The following TNNI3K variants were observed in gnomAD, a reference collection of about 807,000 sequenced individuals.
TNNI3K encodes serine/threonine-protein kinase TNNI3K.
Under a neutral mutation model 114.5 loss-of-function variants are expected in TNNI3K, and 140 were observed. That is an observed-to-expected ratio of 1.22 (90% CI 1.07 to 1.41). The LOEUF is 1.41. Among genes scored for constraint, TNNI3K ranks in the 40% most tolerant of loss-of-function variants. The pLI is 0.00. For missense variants in TNNI3K, 1,125 were observed against 1,007.6 expected (o/e 1.12, Z -1.58); for synonymous variants, 347 against 347.5 (o/e 1.00, Z 0.02).
chr1:74,489,109 C>A, intron 21 of TNNI3K, 80 bp from the exon 22 acceptor site: 1 of 1,174,814 alleles, frequency 8.5e-7, no homozygotes, highest in Non-Finnish European at 1.2e-6. Flanking sequence ...TTTACAAATG[C>A]TAATACCCAA....
chr1:74,285,611 T>A (rs1418527722), intron 5 of TNNI3K, among the ~76,000 whole-genome samples: 36 of 152,310 alleles, frequency 2.4e-4, no homozygotes. Context: ...TATACTCTTT[T>A]TTGAGCACAG....
intron 20 of TNNI3K, among the ~76,000 whole-genome samples, chr1:74,450,820 A>G (rs1462152019): frequency 6.6e-6 from 1 of 152,226 alleles, no homozygotes. Context: ...TGGTTCAACC[A>G]TCATGGAAGA....
At chr1:74,422,063 A>C (rs2100637181) in intron 17 of TNNI3K, among the ~76,000 whole-genome samples, 1 of 151,584 alleles carries the variant, frequency 6.6e-6, no homozygotes, top group South Asian at 2.1e-4. Flanking sequence ...GGGCATTTTA[A>C]ATTGAGGAGA....
chr1:74,296,358 G>C (rs1335997097), intron 5 of TNNI3K, among the ~76,000 whole-genome samples: 3 of 151,430 alleles, frequency 2.0e-5, no homozygotes, highest in Non-Finnish European at 4.4e-5. Flanking sequence ...AGAGCTTTAG[G>C]ATACTTTAAA....
In TNNI3K at chr1:74,524,678, A is replaced by AAATAT. The variant is rs1266236318; in HGVS notation, c.2352-15554_2352-15553insTATAA. 6.2e-4 allele frequency among the ~76,000 whole-genome samples: 47 copies of AAATAT among 75,560 alleles called. 1 individual carries two copies. The Middle Eastern group carries it at 0.042, about 67-fold the overall frequency. The allele number at this position is 75,560 out of a possible 152,430, so 49.6% of individuals were successfully genotyped here. ...GGTTCTGGAGATACAGCAGCAAATA[A>AAATAT]AACACAGAAAATAATCTCTTCCCTC... On this transcript the variant is annotated intron_variant, in intron 23 of 24. Transcript: ENST00000326637.
chr1:74,526,964 G>A (rs1392938103), intron 23 of TNNI3K, among the ~76,000 whole-genome samples: 1 of 152,172 alleles, frequency 6.6e-6, no homozygotes, highest in African/African-American at 2.4e-5. Flanking sequence ...TTGAGTAGTT[G>A]CAAGAGACCA....
chr1:74,514,992 G>A (rs1303799958), intron 23 of TNNI3K, among the ~76,000 whole-genome samples: 5 of 152,030 alleles, frequency 3.3e-5, no homozygotes, highest in Admixed American at 6.6e-5. Context: ...GATGATGGAG[G>A]CAGGGACTGA....
intron 17 of TNNI3K, among the ~76,000 whole-genome samples, chr1:74,405,322 A>G (rs967736237): frequency 6.6e-6 from 1 of 152,198 alleles, no homozygotes; most frequent in African/African-American, 2.4e-5. Flanking sequence ...AGGCTGAAGT[A>G]TGTGCCAAAA....
chr1:74,331,455 TG>T lies in TNNI3K; in HGVS notation c.451del (p.Asp151MetfsTer32). 6.2e-7 allele frequency: 1 copy of T among 1,613,200 alleles called. No individual in the cohort carries two copies. The highest frequency in any genetic ancestry group is 1.1e-5 in the South Asian group (1 of 90,938). ...ATIAGHLEAA[D>X]VLLQHGANVN... is the part of the protein sequence containing the mutation. ...ATAATCATTTTCTTGTCCAGGCTGC[TG>T]ATGTGCTGTTGCAACATGGAGCTAA... On this transcript the variant is annotated frameshift_variant, in exon 6 of 25. Transcript: ENST00000326637. LOFTEE classifies it high-confidence loss of function.
intron 1 of TNNI3K, 41 bp downstream of exon 1, chr1:74,235,532 G>T: frequency 8.9e-7 from 1 of 1,124,052 alleles, no homozygotes; most frequent in Non-Finnish European, 1.3e-6. Flanking sequence ...AGTGTAATAT[G>T]GTTCAATTAT....
chr1:74,449,617 A>C (rs1227208889), intron 20 of TNNI3K, among the ~76,000 whole-genome samples: 2 of 151,832 alleles, frequency 1.3e-5, no homozygotes, highest in African/African-American at 4.9e-5. Flanking sequence ...AGTCTTCGAT[A>C]AAACAGACTT....
At chr1:74,330,243 T>C (rs1295120597) in intron 5 of TNNI3K, among the ~76,000 whole-genome samples, 1 of 152,048 alleles carries the variant, frequency 6.6e-6, no homozygotes, top group Non-Finnish European at 1.5e-5. Context: ...ATATAGGAAC[T>C]CTTTGCTCTC....
intron 19 of TNNI3K, among the ~76,000 whole-genome samples, chr1:74,437,583 G>A (rs866241044): frequency 1.7e-4 from 26 of 151,990 alleles, no homozygotes; most frequent in Middle Eastern, 3.4e-3. Flanking sequence ...AATAGTAAGT[G>A]CAGAGGTCCT....
chr1:74,515,526 G>C, intron 23 of TNNI3K, among the ~76,000 whole-genome samples: 1 of 152,172 alleles, frequency 6.6e-6, no homozygotes, highest in Non-Finnish European at 1.5e-5. Context: ...GATGGTTGCT[G>C]TTGGCAACCA....
intron 2 of TNNI3K, among the ~76,000 whole-genome samples, chr1:74,244,891 A>G (rs1220754339): frequency 6.6e-6 from 1 of 151,982 alleles, no homozygotes; most frequent in Admixed American, 6.6e-5. Context: ...CCTCCTTTGC[A>G]TTTTTCATTC....
At chr1:74,500,983 T>C (rs1002666758) in intron 23 of TNNI3K, among the ~76,000 whole-genome samples, 11 of 152,186 alleles carry the variant, frequency 7.2e-5, no homozygotes, top group African/African-American at 2.4e-4. Flanking sequence ...ATATATTATG[T>C]TTCCAGAATT....
intron 13 of TNNI3K, among the ~76,000 whole-genome samples, 165 bp downstream of exon 13, chr1:74,368,129 C>T (rs961000992): frequency 6.6e-6 from 1 of 151,848 alleles, no homozygotes; most frequent in African/African-American, 2.4e-5. Flanking sequence ...TACCCTTTAT[C>T]TCCTTTCAGT....
At chr1:74,542,913 A>G (rs1646742563) in intron 24 of TNNI3K, among the ~76,000 whole-genome samples, 1 of 152,092 alleles carries the variant, frequency 6.6e-6, no homozygotes, top group South Asian at 2.1e-4. Context: ...ATCCAAGGCT[A>G]TTGCTTCAAA....
chr1:74,544,250 G>A lies in TNNI3K; in HGVS notation c.*268G>A. 1.1e-5 allele frequency: 4 copies of A among 376,882 alleles called. No individual in the cohort carries two copies. Among genetic ancestry groups the A allele is most frequent in the Non-Finnish European group, 4.7e-6 (1 of 213,324 alleles). The allele number at this position is 376,882 out of a possible 1,614,324, so 23.3% of individuals were successfully genotyped here. ...AAAAAAAAATTTAGATCGTTACTTG[G>A]AAATGGAGCCTAAGTCTGTGGTGGA... On this transcript the variant is annotated 3_prime_UTR_variant, in exon 25 of 25. Transcript: ENST00000326637.
Sources: gnomAD v4.1 joint callset for allele counts (sites outside exome capture counted in the v4.1 genomes callset) on GRCh38, gnomAD v4.1.1 for gene constraint, MANE v1.5 for transcripts, NCBI Gene and HGNC (gene_info 2026-07-23, HGNC 2026-07-21) for gene names.